IL6ST: variants seen among roughly 807,000 people sequenced by gnomAD.
IL6ST encodes interleukin-6 receptor subunit beta.
In IL6ST, 24 loss-of-function variants were observed where a neutral mutation model predicts 91.3. The ratio of observed to expected loss-of-function variants is 0.26; its 90% CI spans 0.19 to 0.37. The LOEUF (loss-of-function observed/expected upper bound fraction) is 0.37. Among genes scored for constraint, IL6ST ranks in the 10% least tolerant of loss-of-function variants. IL6ST has a pLI of 1.00. For synonymous variants in IL6ST, 351 were observed against 373.6 expected, an observed-to-expected ratio of 0.94 and a Z score of 0.70; for missense variants, 914 against 1,078.5, an observed-to-expected ratio of 0.85 and a Z score of 2.14.
At chr5:55,943,660 A>C in intron 15 of IL6ST, among the ~76,000 whole-genome samples, 1 of 152,234 alleles carries the variant, frequency 6.6e-6, no homozygotes, top group East Asian at 1.9e-4. Flanking sequence ...GATCATCTCA[A>C]TAGATTCAGA....
At chr5:55,991,844 T>C (rs1235356821) in intron 1 of IL6ST, among the ~76,000 whole-genome samples, 1 of 152,192 alleles carries the variant, frequency 6.6e-6, no homozygotes, top group Non-Finnish European at 1.5e-5. Flanking sequence ...TCTGGCTTTT[T>C]TACTCCAATA....
Position 55,964,271 on chromosome 5 carries a change from G to T in IL6ST, c.533C>A (p.Thr178Asn). 1 of 1,611,584 alleles carries T rather than the reference G, an allele frequency of 6.2e-7. No individual in the cohort carries two copies. The highest frequency in any genetic ancestry group is 2.2e-5 in the East Asian group (1 of 44,758). ...KFADCKAKRD[T>N]PTSCTVDYST... is the part of the protein sequence containing the mutation. ...ATAATCAACAGTGCATGAGGTGGGG[G>T]TGTCACGTTTTGCTTTGCAATCAGC... is the stretch of plus-strand genomic sequence containing the variant. Residue 178 changes from threonine (T) to asparagine (N), a missense_variant, in exon 6 of 17, where the codon ACC becomes AAC. Transcript: ENST00000381298.
chr5:55,977,610 G>A (rs1753383600), intron 2 of IL6ST, among the ~76,000 whole-genome samples: 1 of 152,262 alleles, frequency 6.6e-6, no homozygotes, highest in South Asian at 2.1e-4. Flanking sequence ...CAGATCACTT[G>A]AGGTCAGGAG....
Position 55,946,770 on chromosome 5 carries a change from T to A in IL6ST, c.1937+723A>T, listed in dbSNP as rs181873996. Among the ~76,000 whole-genome samples, 76 of 149,032 alleles carry A rather than the reference T, an allele frequency of 5.1e-4. 1 individual carries two copies. Among genetic ancestry groups the A allele is most frequent in the Admixed American group, 9.4e-4 (14 of 14,924 alleles). On this transcript the variant is annotated intron_variant, in intron 15 of 16. Transcript: ENST00000381298. ...AGGTAGAGGTTGCAGTGAGCCAAGATCATGCCACTGTACTCCAGTAAGGGA... is the reference window on the plus strand; with the variant it reads ...AGGTAGAGGTTGCAGTGAGCCAAGAACATGCCACTGTACTCCAGTAAGGGA...
rs1233215714 is a variant in IL6ST at position 55,956,084 on chromosome 5, C to T, written c.1208G>A (p.Arg403Lys). ...TGCATCTGATTTGCCAACAAGATTT[C>T]TTACTGTTAGGGTTGCTAGATAGCG... ...NDRYLATLTV[R>K]NLVGKSDAAV... The change falls in exon 10 of 17, where the codon AGA becomes AAA. Residue 403 changes from arginine to lysine, a missense_variant. Coordinates refer to ENST00000381298, the MANE Select transcript of IL6ST (RefSeq NM_002184.4). The T allele has an allele frequency of 1.9e-6, 3 of 1,613,680 alleles. No homozygotes were observed. Among genetic ancestry groups the T allele is most frequent in the East Asian group, 2.2e-5 (1 of 44,884 alleles).
chr5:55,972,860 C>T (rs11948772), intron 3 of IL6ST, among the ~76,000 whole-genome samples: 2,738 of 151,848 alleles, frequency 0.018, 36 homozygotes, highest in Middle Eastern at 0.034. Context: ...CAAAAATTAC[C>T]CGGGCGTGGT....
At position 55,935,799 on chromosome 5, in the gene IL6ST, C is replaced by G. The variant is rs1580766576; in HGVS notation, c.*5283G>C. The G allele has an allele frequency of 4.6e-6, 1 of 216,736 alleles. No individual in the cohort carries two copies. Among genetic ancestry groups the G allele is most frequent in the South Asian group, 1.9e-4 (1 of 5,384 alleles). 13.4% of individuals were successfully genotyped at this position (216,736 alleles called of 1,614,324 possible). On this transcript the variant is annotated 3_prime_UTR_variant, in exon 17 of 17. Transcript: ENST00000381298. ...AAATGGAAAGTTAAGCAATCCTGAA[C>G]AAGAAAACTCTCTCACTGCCTTTGG...
intron 1 of IL6ST, among the ~76,000 whole-genome samples, chr5:55,984,773 A>C (rs1753860864): frequency 6.6e-6 from 1 of 152,158 alleles, no homozygotes; most frequent in South Asian, 2.1e-4. Flanking sequence ...TATATAATGC[A>C]AATACAACAC....
chr5:55,963,497 T>C lies in IL6ST; in HGVS notation c.668A>G (p.Asn223Ser), dbSNP rs199518876. Residue 223 changes from asparagine (N) to serine (S), a missense_variant, in exon 7 of 17, where the codon AAT becomes AGT. Transcript: ENST00000381298. ...NFDPVYKVKP[N>S]PPHNLSVINS... ...GATCACTGATAAATTATGTGGCGGA[T>C]TGGGCTTCACTGAAAAATAAAATAA... 86 of 1,605,740 alleles carry C rather than the reference T, an allele frequency of 5.4e-5. No homozygotes were observed. The highest frequency in any genetic ancestry group is 7.0e-5 in the Non-Finnish European group (82 of 1,176,840).
At chr5:55,978,012 A>G (rs1456469004) in intron 2 of IL6ST, among the ~76,000 whole-genome samples, 1 of 151,976 alleles carries the variant, frequency 6.6e-6, no homozygotes, top group African/African-American at 2.4e-5. Context: ...AAAAAAAAAG[A>G]CTACATTTGT....
At position 55,942,798 on chromosome 5, in the gene IL6ST, CAAT is replaced by C. The variant is rs774973007; in HGVS notation, c.1938-50_1938-48del. 28 of 960,508 alleles carry C rather than the reference CAAT, an allele frequency of 2.9e-5. No homozygotes were observed. In the Admixed American group the frequency reaches 4.7e-4, roughly 16 times the overall value. The allele number at this position is 960,508 out of a possible 1,614,324, so 59.5% of individuals were successfully genotyped here. On this transcript the variant is annotated intron_variant, in intron 15 of 16. Transcript: ENST00000381298. ...CCTATGTAAAACCACACATAATAAA[CAAT>C]AAATAGTCCCTATTTCTAAACATGT...
chr5:55,980,498 G>T (rs747477908), intron 2 of IL6ST, among the ~76,000 whole-genome samples: 6 of 152,064 alleles, frequency 3.9e-5, no homozygotes, highest in African/African-American at 1.4e-4. Context: ...TGCAGTGAAC[G>T]GAGATGGCGC....
At chr5:55,944,613 T>C (rs1751127226) in intron 15 of IL6ST, 1 of 646,818 alleles carries the variant, frequency 1.5e-6, no homozygotes, top group South Asian at 1.5e-5. Context: ...AGACTGCAGT[T>C]CTCTCTCGGC....
At chr5:55,965,814 CAAA>C (rs34297008) in intron 5 of IL6ST, among the ~76,000 whole-genome samples, 5 of 58,530 alleles carry the variant, frequency 8.5e-5, no homozygotes, top group African/African-American at 5.5e-5. Context: ...AACTCTGTCT[CAAA>C]AAAAAAAAAA....
rs1441165671 is a variant in IL6ST at position 55,954,887 on chromosome 5, C to G, written c.1373G>C (p.Cys458Ser). The stretch of plus-strand genomic sequence containing the variant: ...ACAGGGTGCTTTATCTGATAACACA[C>G]ACCACTCAAGTATATATTTCTTTAC... ...ESVKKYILEW[C>S]VLSDKAPCIT... Residue 458 changes from cysteine (C) to serine (S), a missense_variant, in exon 11 of 17, where the codon TGT becomes TCT. Cys to Ser is a moderately radical substitution (Grantham distance 112, BLOSUM62 -1). Transcript: ENST00000381298. 2 of 1,613,184 alleles carry G rather than the reference C, an allele frequency of 1.2e-6. No individual in the cohort carries two copies. Among genetic ancestry groups the G allele is most frequent in the African/African-American group, 2.7e-5 (2 of 74,892 alleles).
At chr5:55,988,535 G>C (rs1348421970) in intron 1 of IL6ST, among the ~76,000 whole-genome samples, 1 of 152,126 alleles carries the variant, frequency 6.6e-6, no homozygotes, top group Non-Finnish European at 1.5e-5. Flanking sequence ...GGGAGGCCGA[G>C]ATAGGCAGAT....
chr5:55,935,149 T>A lies in IL6ST; in HGVS notation c.*5933A>T, dbSNP rs1750425679. 2 of 178,180 alleles carry A rather than the reference T, an allele frequency of 1.1e-5. No homozygotes were observed. Among genetic ancestry groups the A allele is most frequent in the South Asian group, 4.0e-4 (2 of 5,054 alleles). The allele number at this position is 178,180 out of a possible 1,614,324, so 11.0% of individuals were successfully genotyped here. A position where few individuals can be genotyped will look rare whatever the true frequency, so the allele number is the denominator to read the frequency against. ...TGTGTGTGGATTACCACCATATAGC[T>A]CACCATGTTATCCCAGAAAGACTAC... On this transcript the variant is annotated 3_prime_UTR_variant, in exon 17 of 17. Transcript: ENST00000381298.
chr5:55,974,025 TTAAGAG>T (rs1212613596), intron 3 of IL6ST, among the ~76,000 whole-genome samples: 2 of 152,140 alleles, frequency 1.3e-5, no homozygotes, highest in African/African-American at 4.8e-5. Context: ...GAGAACTAGT[TTAAGAG>T]TAACTCATGT....
rs762037933 is a variant in IL6ST, at chr5:55,956,240, A to C, written c.1057-5T>G. On this transcript the variant is annotated splice_region_variant and splice_polypyrimidine_tract_variant and intron_variant, in intron 9 of 16. Coordinates refer to ENST00000381298, the MANE Select transcript of IL6ST (RefSeq NM_002184.4). The stretch of plus-strand genomic sequence containing the variant: ...GGCTTCAAAAGGAGGCAATGTCTGT[A>C]ATAAAATAGTTTATTTTTAAAAATA... 2.0e-6 allele frequency: 3 copies of C among 1,491,018 alleles called. No individual in the cohort carries two copies. In the Admixed American group the frequency reaches 5.3e-5, roughly 26 times the overall value. The allele number at this position is 1,491,018 out of a possible 1,614,324, so 92.4% of individuals were successfully genotyped here.
Sources: gnomAD v4.1 joint callset for allele counts (sites outside exome capture counted in the v4.1 genomes callset) on GRCh38, gnomAD v4.1.1 for gene constraint, MANE v1.5 for transcripts, NCBI Gene and HGNC (gene_info 2026-07-23, HGNC 2026-07-21) for gene names.